The following ACLY variants were observed in gnomAD, a reference collection of about 807,000 sequenced individuals.
ACLY encodes ATP-citrate synthase.
In ACLY, 41 loss-of-function variants were observed where a neutral mutation model predicts 133.0. The observed-to-expected ratio is 0.31, with a 90% CI of 0.24 to 0.40. The LOEUF is 0.40. Among genes scored for constraint, ACLY ranks in the 10% least tolerant of loss-of-function variants. The pLI, the probability that ACLY is intolerant of heterozygous loss-of-function variation, is 1.00. For synonymous variants in ACLY, 495 were observed against 549.3 expected, an observed-to-expected ratio of 0.90 and a Z score of 1.38; for missense variants, 1,046 against 1,453.8, an observed-to-expected ratio of 0.72 and a Z score of 4.56.
intron 17 of ACLY, among the ~76,000 whole-genome samples, 157 bp from the exon 18 acceptor site, chr17:41,886,465 G>T (rs541169604): frequency 1.3e-5 from 2 of 152,304 alleles, no homozygotes; most frequent in African/African-American, 2.4e-5. Flanking sequence ...TCCTGCTTAG[G>T]AAAGTCTCCT....
rs1555627530 is a variant in ACLY, at chr17:41,882,433, A to AG, written c.2265+688dup. On this transcript the variant is annotated intron_variant, in intron 20 of 28. Coordinates refer to ENST00000352035, the MANE Select transcript of ACLY (RefSeq NM_001096.3). ...GTTTTTGCTGTTAATGATACTGCAG[A>AG]GTATTCTTGTACACACACCAGGTAC... is the stretch of plus-strand genomic sequence containing the variant. Among the ~76,000 whole-genome samples, 6 of 143,702 alleles carry AG rather than the reference A, an allele frequency of 4.2e-5. No individual in the cohort carries two copies. In the South Asian group the frequency reaches 1.5e-3, roughly 35 times the overall value. The allele number at this position is 143,702 out of a possible 152,430, so 94.3% of individuals were successfully genotyped here. A position where few individuals can be genotyped will look rare whatever the true frequency, so the allele number is the denominator to read the frequency against.
intron 1 of ACLY, among the ~76,000 whole-genome samples, chr17:41,917,134 CAAAAA>C (rs35545409): frequency 1.9e-5 from 1 of 53,556 alleles, no homozygotes; most frequent in Non-Finnish European, 3.8e-5. Context: ...GACTCTGTCT[CAAAAA>C]AAAAAAAAAA....
intron 25 of ACLY, 145 bp from the exon 26 acceptor site, chr17:41,869,732 C>T: frequency 1.6e-6 from 1 of 625,864 alleles, no homozygotes. Flanking sequence ...CATGTGGCAC[C>T]AATTGTGCTA....
chr17:41,878,636 A>C (rs1356675983), intron 21 of ACLY, among the ~76,000 whole-genome samples, 161 bp downstream of exon 21: 9 of 152,154 alleles, frequency 5.9e-5, no homozygotes, highest in African/African-American at 1.7e-4. Flanking sequence ...ATAAAACAAA[A>C]GGAAAGCCAA....
intron 20 of ACLY, among the ~76,000 whole-genome samples, chr17:41,880,278 G>A (rs1410521542): frequency 1.3e-5 from 2 of 152,172 alleles, no homozygotes; most frequent in African/African-American, 4.8e-5. Context: ...GGTAGCATGT[G>A]GTAGCACTTG....
chr17:41,879,039 C>G (rs1555626704), intron 20 of ACLY, 115 bp from the exon 21 acceptor site: 1 of 1,296,168 alleles, frequency 7.7e-7, no homozygotes, highest in Admixed American at 1.8e-5. Flanking sequence ...CTCAAGCAAG[C>G]TCACTGAATA....
intron 14 of ACLY, among the ~76,000 whole-genome samples, chr17:41,894,657 A>G (rs78948503): frequency 1.8e-4 from 28 of 152,172 alleles, no homozygotes; most frequent in African/African-American, 6.5e-4. Context: ...ACCCACAAAA[A>G]TTTTAAAAAG....
Position 41,869,112 on chromosome 17 carries a change from A to G in ACLY, c.3065T>C (p.Ile1022Thr). 2.5e-6 allele frequency: 4 copies of G among 1,613,182 alleles called. No individual in the cohort carries two copies. Among genetic ancestry groups the G allele is most frequent in the Non-Finnish European group, 8.5e-7 (1 of 1,179,784 alleles). Residue 1022 changes from isoleucine (I) to threonine (T), a missense_variant, in exon 27 of 29, where the codon ATC becomes ACC. Physicochemically the swap from Ile to Thr is moderately conservative, Grantham distance 89. Coordinates refer to ENST00000352035, the MANE Select transcript of ACLY (RefSeq NM_001096.3). Reference protein sequence around the residue: ...KITTSKKPNLILNVDGLIGVA... With the variant: ...KITTSKKPNLTLNVDGLIGVA... ...TCCGATGAGACCATCTACATTCAGG[A>G]TAAGATTTGGCTTCTGGGAAGGCAA... is the stretch of plus-strand genomic sequence containing the variant.
At chr17:41,923,237 C>T (rs1159688269), upstream of ACLY, among the ~76,000 whole-genome samples, 5 of 152,230 alleles carry the variant, frequency 3.3e-5, no homozygotes, top group Admixed American at 1.3e-4. Flanking sequence ...CCTCCCTCCT[C>T]TTCTAGACTG....
intron 16 of ACLY, among the ~76,000 whole-genome samples, chr17:41,889,202 G>C (rs1326339401): frequency 6.6e-6 from 1 of 152,082 alleles, no homozygotes; most frequent in African/African-American, 2.4e-5. Context: ...TTGGGCCATA[G>C]TTTGCCAACC....
At chr17:41,886,753 G>A (rs1428666282) in intron 17 of ACLY, among the ~76,000 whole-genome samples, 1 of 151,870 alleles carries the variant, frequency 6.6e-6, no homozygotes, top group Non-Finnish European at 1.5e-5. Flanking sequence ...TGTTATAACT[G>A]CACCTGTGAA....
In ACLY at chr17:41,872,128, A is replaced by G. The variant is rs2048613513; in HGVS notation, c.2697T>C (p.Asp899=). The part of the protein sequence containing the change: ...FIEMCLMVTA[D]HGPAVSGAHN... ...GGGCTCCAGAGACGGCTGGCCCGTG[A>G]TCAGCTGTCACCATCAGACACATCT... The change falls in exon 24 of 29, where the codon GAT becomes GAC. Residue 899 remains aspartate (D), a synonymous_variant. Transcript: ENST00000352035. 1 of 1,614,100 alleles carries G rather than the reference A, an allele frequency of 6.2e-7. No homozygotes were observed. Among genetic ancestry groups the G allele is most frequent in the Non-Finnish European group, 8.5e-7 (1 of 1,180,022 alleles).
rs782252932 is a variant in ACLY, at chr17:41,909,608, G to A, written c.438C>T (p.Asp146=). 1.3e-5 allele frequency: 21 copies of A among 1,613,962 alleles called. No individual in the cohort carries two copies. Among genetic ancestry groups the A allele is most frequent in the Admixed American group, 1.7e-5 (1 of 59,998 alleles). ...CAACAAGCAGCTTCTGGGCCTTGGC[G>A]TCCACATCACCCACGTCCACACCCC... ...HEGGVDVGDV[D]AKAQKLLVGV... is the part of the protein sequence containing the mutation. The change falls in exon 5 of 29, where the codon GAC becomes GAT. Residue 146 remains aspartate, a synonymous_variant. Transcript: ENST00000352035.
rs79576077 is a variant in ACLY, at chr17:41,895,678, C to G, written c.1459+942G>C. ...GCTCCTGGAGAACCAGGGCTGGTCC[C>G]TGTTCTTTCCACACTGGGCTCACTC... On this transcript the variant is annotated intron_variant, in intron 14 of 28. Coordinates refer to ENST00000352035, the MANE Select transcript of ACLY (RefSeq NM_001096.3). 1.9e-4 allele frequency among the ~76,000 whole-genome samples: 29 copies of G among 152,380 alleles called. No individual in the cohort carries two copies. The East Asian group carries it at 5.4e-3, about 28-fold the overall frequency.
chr17:41,908,872 C>A, intron 6 of ACLY, 117 bp downstream of exon 6: 1 of 818,866 alleles, frequency 1.2e-6, no homozygotes, highest in Non-Finnish European at 2.1e-6. Flanking sequence ...TCTGCTTGTG[C>A]ACATCTGTCT....
At chr17:41,892,775 C>T (rs782782475) in intron 15 of ACLY, among the ~76,000 whole-genome samples, 10 of 152,024 alleles carry the variant, frequency 6.6e-5, no homozygotes, top group Non-Finnish European at 1.2e-4. Flanking sequence ...CTCCAAGGCT[C>T]AGGCAATCCT....
At position 41,892,346 on chromosome 17, in the gene ACLY, A is replaced by G; in HGVS notation, c.1703T>C (p.Val568Ala). ...DAMRKHPEVD[V>A]LINFASLRSA... ...GCGGAGAGAGGCAAAGTTGATGAGCACATCTACCTCCGGATGCTTCCTCAT... is the reference window on the plus strand; with the variant it reads ...GCGGAGAGAGGCAAAGTTGATGAGCGCATCTACCTCCGGATGCTTCCTCAT... Residue 568 changes from valine (V) to alanine (A), a missense_variant, in exon 16 of 29, where the codon GTG (valine) becomes GCG (alanine). By Grantham distance (64) the Val-to-Ala change is moderately conservative. Coordinates refer to ENST00000352035, the MANE Select transcript of ACLY (RefSeq NM_001096.3). The G allele has an allele frequency of 1.2e-6, 2 of 1,611,056 alleles. No individual in the cohort carries two copies. The highest frequency in any genetic ancestry group is 1.7e-6 in the Non-Finnish European group (2 of 1,179,542).
intron 2 of ACLY, among the ~76,000 whole-genome samples, chr17:41,913,238 A>G (rs1320518547): frequency 7.9e-5 from 12 of 152,242 alleles, no homozygotes; most frequent in Non-Finnish European, 1.0e-4. Flanking sequence ...ACAAAGTACA[A>G]CATCACACTT....
Position 41,913,864 on chromosome 17 carries a change from T to C in ACLY, c.10A>G (p.Lys4Glu). The C allele has an allele frequency of 6.2e-7, 1 of 1,614,222 alleles. No homozygotes were observed. The highest frequency in any genetic ancestry group is 8.5e-7 in the Non-Finnish European group (1 of 1,180,030). Residue 4 changes from lysine to glutamate, a missense_variant, in exon 2 of 29, where the codon AAG (lysine) becomes GAG (glutamate). Lys to Glu is a moderately conservative substitution (Grantham distance 56, BLOSUM62 1). This residue lies in a region of ACLY where 227 missense variants were observed against 245.6 expected (regional missense o/e 0.92). Transcript: ENST00000352035. Reference protein sequence around the residue: MSAKAISEQTGKEL... With the variant: MSAEAISEQTGKEL... Reference sequence around the variant, plus strand: ...TTGCCCGTCTGCTCTGAAATTGCCTTGGCCGACATGGCTGCAGAGAGACCT... The same window carrying C: ...TTGCCCGTCTGCTCTGAAATTGCCTCGGCCGACATGGCTGCAGAGAGACCT...
Sources: allele counts gnomAD v4.1 joint callset (sites outside exome capture counted in the v4.1 genomes callset), GRCh38; gene constraint gnomAD v4.1.1; regional missense constraint gnomAD v4.1.1; transcripts MANE v1.5; gene names NCBI Gene and HGNC (gene_info 2026-07-23, HGNC 2026-07-21).